NFASC: variants seen among roughly 807,000 people sequenced by gnomAD.
The protein encoded by NFASC is neurofascin.
NFASC carries 43 observed loss-of-function variants against 147.5 expected under a neutral mutation model. The ratio of observed to expected loss-of-function variants is 0.29; its 90% CI spans 0.23 to 0.38. NFASC has a LOEUF of 0.38. Ranked by LOEUF, NFASC falls within the 10% of genes least tolerant of loss-of-function variation. The pLI is 1.00. For missense variants in NFASC, 1,320 were observed against 1,689.0 expected (o/e 0.78, Z 3.83); for synonymous variants, 622 against 665.5 (o/e 0.93, Z 1.01).
chr1:205,009,980 A>C, intron 28 of NFASC: 1 of 399,094 alleles, frequency 2.5e-6, no homozygotes, highest in Non-Finnish European at 4.6e-6. Context: ...CTCACCACCC[A>C]TCTGTTCTAT....
At chr1:204,911,219 G>A (rs188765244) in intron 1 of NFASC, among the ~76,000 whole-genome samples, 1 of 152,182 alleles carries the variant, frequency 6.6e-6, no homozygotes, top group African/African-American at 2.4e-5. Context: ...TTCTTAATTA[G>A]CCTGTTAGTA....
chr1:205,009,998 C>CT (rs1452407270), intron 28 of NFASC: 20 of 324,624 alleles, frequency 6.2e-5, no homozygotes, highest in Non-Finnish European at 9.8e-5. Context: ...TATAAATTGG[C>CT]TTTTTTTCAG....
chr1:204,924,182 C>T (rs1401924035), intron 2 of NFASC, among the ~76,000 whole-genome samples: 1 of 152,174 alleles, frequency 6.6e-6, no homozygotes, highest in African/African-American at 2.4e-5. Context: ...CTCCCACCTC[C>T]CCTCCCCCAT....
intron 1 of NFASC, among the ~76,000 whole-genome samples, chr1:204,836,387 A>G (rs1445762632): frequency 3.3e-5 from 5 of 152,218 alleles, no homozygotes; most frequent in Non-Finnish European, 5.9e-5. Context: ...ATAGCTATCT[A>G]TCATTTTGAC....
In NFASC at chr1:205,020,668, C is replaced by T. The variant is rs990157558; in HGVS notation, c.*4129C>T. ...CAAGTCTTAGGGCATCACAAACAGCCCATTTGATGGAGGGAGCAGGGACAT... is the reference window on the plus strand; with the variant it reads ...CAAGTCTTAGGGCATCACAAACAGCTCATTTGATGGAGGGAGCAGGGACAT... On this transcript the variant is annotated 3_prime_UTR_variant, in exon 30 of 30. Transcript: ENST00000339876. 7 of 152,238 alleles carry T rather than the reference C, an allele frequency of 4.6e-5. No homozygotes were observed. The highest frequency in any genetic ancestry group is 1.7e-4 in the African/African-American group (7 of 41,460). 9.4% of individuals were successfully genotyped at this position (152,238 alleles called of 1,614,324 possible).
intron 2 of NFASC, among the ~76,000 whole-genome samples, chr1:204,926,398 ATATATATATTTTTTTTTTTT>A (rs1283802640): frequency 0.019 from 1,816 of 94,594 alleles, 39 homozygotes; most frequent in Non-Finnish European, 0.025. Context: ...ATATATATAT[ATATATATATTTTTTTTTTTT>A]TTTTTTTTTT....
intron 2 of NFASC, among the ~76,000 whole-genome samples, chr1:204,938,386 G>A (rs567878895): frequency 6.6e-5 from 10 of 152,298 alleles, no homozygotes; most frequent in Admixed American, 1.3e-4. Context: ...AAGCATTTAC[G>A]CTGTGCCCCA....
Position 204,828,707 on chromosome 1 carries a change from G to C in NFASC, c.-275G>C, listed in dbSNP as rs1671310851. On this transcript the variant is annotated 5_prime_UTR_variant, in exon 1 of 30. Coordinates refer to ENST00000339876, the MANE Select transcript of NFASC (RefSeq NM_001005388.3). ...CGGCTGGCGGCGAGAGGCGCTGCAG[G>C]GGACGCGGGGGAAGTGGCGGCGCCG... 1 of 985,598 alleles carries C rather than the reference G, an allele frequency of 1.0e-6. No individual in the cohort carries two copies. Among genetic ancestry groups the C allele is most frequent in the African/African-American group, 1.7e-5 (1 of 57,358 alleles). The allele number at this position is 985,598 out of a possible 1,614,324, so 61.1% of individuals were successfully genotyped here. A position where few individuals can be genotyped will look rare whatever the true frequency, so the allele number is the denominator to read the frequency against.
At chr1:205,009,498 C>G in intron 27 of NFASC, 59 bp from the exon 28 acceptor site, 2 of 1,579,612 alleles carry the variant, frequency 1.3e-6, no homozygotes, top group Non-Finnish European at 1.7e-6. Flanking sequence ...CTCCATCTCC[C>G]TCCTCACCAT....
At chr1:204,833,497 AG>A (rs927687035) in intron 1 of NFASC, among the ~76,000 whole-genome samples, 2 of 146,180 alleles carry the variant, frequency 1.4e-5, no homozygotes, top group African/African-American at 5.1e-5. Context: ...ATAAAAAGCT[AG>A]GATGTTTTAT....
rs117174658 is a variant in NFASC, at chr1:204,864,281, T to C, written c.-200+35499T>C. Among the ~76,000 whole-genome samples the C allele has an allele frequency of 9.6e-3, 1,458 of 152,358 alleles. 51 individuals carry two copies. The highest frequency in any genetic ancestry group is 0.067 in the Admixed American group (1,018 of 15,298). On this transcript the variant is annotated intron_variant, in intron 1 of 29. Transcript: ENST00000339876. ...CACTCATCTGTTGAGGACACTTGCATTGTCTCCATCTTTTGGCTGTTGTGA... is the reference window on the plus strand; with the variant it reads ...CACTCATCTGTTGAGGACACTTGCACTGTCTCCATCTTTTGGCTGTTGTGA...
intron 11 of NFASC, among the ~76,000 whole-genome samples, chr1:204,972,189 C>T (rs939343421): frequency 1.3e-5 from 2 of 152,172 alleles, no homozygotes; most frequent in Admixed American, 6.5e-5. Flanking sequence ...GCCTGCAGGG[C>T]GACTCCTGCA....
At chr1:204,913,059 A>G (rs1029949294) in intron 1 of NFASC, among the ~76,000 whole-genome samples, 1 of 152,180 alleles carries the variant, frequency 6.6e-6, no homozygotes. Flanking sequence ...AAAATAGAAA[A>G]ATAACTTTCA....
At chr1:204,856,915 C>G (rs1266586917) in intron 1 of NFASC, among the ~76,000 whole-genome samples, 2 of 152,210 alleles carry the variant, frequency 1.3e-5, no homozygotes, top group African/African-American at 4.8e-5. Context: ...TTTGTTTCTC[C>G]ATTCACCTGC....
chr1:204,991,971 T>C (rs2095747127), intron 24 of NFASC, among the ~76,000 whole-genome samples: 1 of 152,120 alleles, frequency 6.6e-6, no homozygotes, highest in Admixed American at 6.5e-5. Flanking sequence ...TTAAGAACAG[T>C]CTCCACTCTC....
intron 1 of NFASC, among the ~76,000 whole-genome samples, chr1:204,905,139 C>T (rs2085535366): frequency 6.6e-6 from 1 of 152,114 alleles, no homozygotes; most frequent in South Asian, 2.1e-4. Context: ...GGCTGGAGTG[C>T]AGTGGTGCAG....
At chr1:204,945,965 G>T (rs948893580) in intron 3 of NFASC, among the ~76,000 whole-genome samples, 3 of 152,190 alleles carry the variant, frequency 2.0e-5, no homozygotes, top group Non-Finnish European at 4.4e-5. Flanking sequence ...TCCCTGCAAG[G>T]TGAGCCTATA....
intron 8 of NFASC, chr1:204,967,953 C>CGCCGTATCATT: frequency 6.3e-6 from 2 of 316,618 alleles, no homozygotes; most frequent in Non-Finnish European, 6.0e-6. Context: ...TCGCACTGCT[C>CGCCGTATCATT]AGACAGCCCC....
In NFASC at chr1:205,010,041, A is replaced by G; in HGVS notation, c.3421+353A>G. The G allele has an allele frequency of 4.1e-6, 1 of 242,430 alleles. No homozygotes were observed. Among genetic ancestry groups the G allele is most frequent in the Non-Finnish European group, 8.2e-6 (1 of 122,290 alleles). 15.0% of individuals were successfully genotyped at this position (242,430 alleles called of 1,614,324 possible). A position where few individuals can be genotyped will look rare whatever the true frequency, so the allele number is the denominator to read the frequency against. On this transcript the variant is annotated intron_variant, in intron 28 of 29. Transcript: ENST00000339876. This position sits in a 1 kb window ranked among gnomAD's most constrained non-coding sequence, Gnocchi z 4.1. ...CTCATTAGGATCCTGTGTCCCAGGGAAGGAGAAAGGAAGAGAGGCATTTTC... is the reference window on the plus strand; with the variant it reads ...CTCATTAGGATCCTGTGTCCCAGGGGAGGAGAAAGGAAGAGAGGCATTTTC...
Sources: allele counts gnomAD v4.1 joint callset (sites outside exome capture counted in the v4.1 genomes callset), GRCh38; gene constraint gnomAD v4.1.1; non-coding constraint Gnocchi (gnomAD v3.1); transcripts MANE v1.5; gene names NCBI Gene and HGNC (gene_info 2026-07-23, HGNC 2026-07-21).